The following DIXDC1 variants were observed in gnomAD, a reference collection of about 807,000 sequenced individuals.
DIXDC1 encodes dixin.
A neutral mutation model predicts 103.1 loss-of-function variants in DIXDC1; 64 were observed. The ratio of observed to expected loss-of-function variants is 0.62; its 90% CI spans 0.51 to 0.76. DIXDC1 has a LOEUF of 0.76. Ranked by LOEUF, DIXDC1 falls within the 30% of genes least tolerant of loss-of-function variation. DIXDC1 has a pLI of 0.00. For missense variants in DIXDC1, 759 were observed against 834.2 expected, an observed-to-expected ratio of 0.91 and a Z score of 1.11; for synonymous variants, 266 against 298.5, an observed-to-expected ratio of 0.89 and a Z score of 1.12.
intron 17 of DIXDC1, among the ~76,000 whole-genome samples, chr11:112,013,331 GT>G (rs1566582268): frequency 3.1e-4 from 33 of 105,714 alleles, no homozygotes; most frequent in African/African-American, 1.2e-3. Flanking sequence ...TGGGGGTGGG[GT>G]GGGGGGGGGG....
chr11:111,929,794 C>G, intron 1 of DIXDC1: 1 of 1,413,334 alleles, frequency 7.1e-7, no homozygotes, highest in Non-Finnish European at 9.5e-7. Context: ...TTATTTTGTA[C>G]ATTTCTTATT....
intron 1 of DIXDC1, among the ~76,000 whole-genome samples, chr11:111,948,791 C>G (rs1282365916): frequency 3.3e-5 from 5 of 152,070 alleles, no homozygotes; most frequent in African/African-American, 9.6e-5. Flanking sequence ...CATTTGAACT[C>G]CTTCAGCTTC....
intron 2 of DIXDC1, among the ~76,000 whole-genome samples, chr11:111,966,537 G>A (rs1555171564): frequency 6.6e-6 from 1 of 151,314 alleles, no homozygotes; most frequent in Non-Finnish European, 1.5e-5. Flanking sequence ...CTGAGTAGCT[G>A]GGACTACAGG....
At chr11:111,971,125 G>T (rs1228812086) in intron 3 of DIXDC1, among the ~76,000 whole-genome samples, 3 of 152,136 alleles carry the variant, frequency 2.0e-5, no homozygotes, top group Non-Finnish European at 2.9e-5. Flanking sequence ...ATTGATAATT[G>T]GAATCTAATT....
At chr11:111,949,548 T>A (rs1279568689) in intron 1 of DIXDC1, among the ~76,000 whole-genome samples, 5 of 152,246 alleles carry the variant, frequency 3.3e-5, no homozygotes, top group African/African-American at 1.2e-4. Context: ...CCTGGGCTCC[T>A]CGTTGGCTTC....
chr11:111,985,310 G>A lies in DIXDC1; in HGVS notation c.997G>A (p.Glu333Lys), dbSNP rs782356138. ...CCTCTGTGAACCAGGTGTCAATCCC[G>A]AGGAACAACTGGTGAGCTCCATCTT... ...LALCEPGVNP[E>K]EQLIIIQSRL... Residue 333 changes from glutamate to lysine, a missense_variant, in exon 8 of 20, where the codon GAG (glutamate) becomes AAG (lysine). Transcript: ENST00000440460. 19 of 1,612,960 alleles carry A rather than the reference G, an allele frequency of 1.2e-5. No individual in the cohort carries two copies. Among genetic ancestry groups the A allele is most frequent in the Middle Eastern group, 1.6e-4 (1 of 6,062 alleles).
At chr11:111,981,817 A>G (rs1353423423) in intron 6 of DIXDC1, among the ~76,000 whole-genome samples, 5 of 152,230 alleles carry the variant, frequency 3.3e-5, no homozygotes, top group South Asian at 4.1e-4. Flanking sequence ...AATAAAAGTG[A>G]TATTAAACAG....
At chr11:111,934,155 C>T (rs1966123952), upstream of DIXDC1, among the ~76,000 whole-genome samples, 1 of 152,226 alleles carries the variant, frequency 6.6e-6, no homozygotes, top group South Asian at 2.1e-4. Context: ...TGACAAATTA[C>T]TTCTCCAAAC....
intron 5 of DIXDC1, among the ~76,000 whole-genome samples, chr11:111,978,045 A>G (rs1860177206): frequency 6.6e-6 from 1 of 151,050 alleles, no homozygotes; most frequent in Middle Eastern, 3.2e-3. Flanking sequence ...AGGATATAGA[A>G]CTCTTCCTTA....
chr11:112,013,482 G>T (rs905209879), intron 17 of DIXDC1, among the ~76,000 whole-genome samples: 1 of 152,042 alleles, frequency 6.6e-6, no homozygotes, highest in Non-Finnish European at 1.5e-5. Context: ...TCTAATACTT[G>T]ATACATAATA....
intron 7 of DIXDC1, among the ~76,000 whole-genome samples, chr11:111,984,281 C>G (rs1284184431): frequency 6.6e-6 from 1 of 152,106 alleles, no homozygotes; most frequent in Admixed American, 6.5e-5. Flanking sequence ...CATGGTGGGC[C>G]ACACCTGTAA....
At position 111,996,083 on chromosome 11, in the gene DIXDC1, C is replaced by G. The variant is rs374982364; in HGVS notation, c.1693C>G (p.Arg565Gly). 5 of 1,613,308 alleles carry G rather than the reference C, an allele frequency of 3.1e-6. No individual in the cohort carries two copies. The African/African-American group carries it at 6.7e-5, about 22-fold the overall frequency. The change falls in exon 17 of 20, where the codon CGG (arginine) becomes GGG (glycine). Residue 565 changes from arginine (R) to glycine (G), a missense_variant. Transcript: ENST00000440460. ...TGATTTTTGTGTGGCTCCCCAGGTTCGGGTCAAGTCACCCAGAACTCAAGT... is the reference window on the plus strand; with the variant it reads ...TGATTTTTGTGTGGCTCCCCAGGTTGGGGTCAAGTCACCCAGAACTCAAGT... The part of the protein sequence containing the change: ...ETQKKQERKV[R>G]VKSPRTQVGS...
chr11:111,959,078 C>T (rs1859489269), intron 1 of DIXDC1, among the ~76,000 whole-genome samples: 1 of 152,238 alleles, frequency 6.6e-6, no homozygotes, highest in African/African-American at 2.4e-5. Flanking sequence ...CTTCACCTTA[C>T]CCTCCACTTA....
At position 111,968,431 on chromosome 11, in the gene DIXDC1, T is replaced by G; in HGVS notation, c.191-82T>G. On this transcript the variant is annotated intron_variant, in intron 2 of 19. Coordinates refer to ENST00000440460, the MANE Select transcript of DIXDC1 (RefSeq NM_001037954.4). Reference sequence around the variant, plus strand: ...ATAATGTTGGTGTTCACATCAAATCTTCCCTTCCTCTGTGTCTAGCTGCTA... The same window carrying G: ...ATAATGTTGGTGTTCACATCAAATCGTCCCTTCCTCTGTGTCTAGCTGCTA... 10 of 1,456,384 alleles carry G rather than the reference T, an allele frequency of 6.9e-6. No homozygotes were observed. In the South Asian group the frequency reaches 1.3e-4, roughly 18 times the overall value. The allele number at this position is 1,456,384 out of a possible 1,614,324, so 90.2% of individuals were successfully genotyped here.
intron 3 of DIXDC1, among the ~76,000 whole-genome samples, chr11:111,972,523 A>G (rs587611577): frequency 1.3e-5 from 2 of 152,272 alleles, no homozygotes; most frequent in Admixed American, 1.3e-4. Flanking sequence ...ACATATACTC[A>G]TGCCACTCCT....
intron 4 of DIXDC1, chr11:111,974,460 G>T: frequency 1.7e-6 from 1 of 590,162 alleles, no homozygotes. Context: ...TTTAGCAAAA[G>T]TAAAGGAATC....
intron 10 of DIXDC1, among the ~76,000 whole-genome samples, chr11:111,989,893 A>G (rs1408868964): frequency 6.8e-6 from 1 of 147,100 alleles, no homozygotes; most frequent in African/African-American, 2.5e-5. Flanking sequence ...GGTTCATGCC[A>G]TTCTCCTGCC....
At chr11:112,018,916 T>C in intron 19 of DIXDC1, 40 bp from the exon 20 acceptor site, 5 of 1,555,316 alleles carry the variant, frequency 3.2e-6, no homozygotes, top group Non-Finnish European at 4.4e-6. Flanking sequence ...TGAATCAGAT[T>C]CCCTGTTTTT....
At chr11:111,973,140 G>C (rs1182076006) in intron 3 of DIXDC1, among the ~76,000 whole-genome samples, 4 of 151,270 alleles carry the variant, frequency 2.6e-5, no homozygotes, top group Non-Finnish European at 5.9e-5. Context: ...GGAGGCTGAG[G>C]CAGGTGGATC....
Sources: allele counts gnomAD v4.1 joint callset (sites outside exome capture counted in the v4.1 genomes callset), GRCh38; gene constraint gnomAD v4.1.1; transcripts MANE v1.5; gene names NCBI Gene and HGNC (gene_info 2026-07-23, HGNC 2026-07-21).